Variants in PRP4K observed in about 807,000 individuals in gnomAD.
The protein encoded by PRP4K is pre-mRNA processing factor kinase PRP4K, also known as serine/threonine-protein kinase PRP4 homolog.
At chr6:4,038,954 T>C in the PRP4K span, among the ~76,000 whole-genome samples, 2 of 152,024 alleles carry the variant, frequency 1.3e-5, no homozygotes, top group Admixed American at 1.3e-4. Flanking sequence ...TTCTGTTTTT[T>C]CCAATTGGAC....
At chr6:4,053,234 G>A in the PRP4K span, among the ~76,000 whole-genome samples, 3 of 152,140 alleles carry the variant, frequency 2.0e-5, no homozygotes, top group East Asian at 1.9e-4. Flanking sequence ...TCTTCTGTTT[G>A]CTAATTTTAT....
chr6:4,027,822 C>T, the PRP4K span, among the ~76,000 whole-genome samples: 1 of 152,170 alleles, frequency 6.6e-6, no homozygotes, highest in Non-Finnish European at 1.5e-5. Context: ...CTTAACCACT[C>T]AGCTGTCCTT....
At chr6:4,035,064 C>T in the PRP4K span, among the ~76,000 whole-genome samples, 1 of 151,762 alleles carries the variant, frequency 6.6e-6, no homozygotes, top group Non-Finnish European at 1.5e-5. Context: ...TACTTTATCC[C>T]ATCCATTTAT....
the PRP4K span, chr6:4,037,615 T>A: frequency 2.5e-6 from 4 of 1,570,134 alleles, no homozygotes; most frequent in East Asian, 9.1e-5. Context: ...CTGAATGTTT[T>A]TGAACCACCA....
chr6:4,048,282 G>A, the PRP4K span, among the ~76,000 whole-genome samples: 3 of 151,696 alleles, frequency 2.0e-5, no homozygotes, highest in East Asian at 5.8e-4. Flanking sequence ...GGGAGGCTGA[G>A]GCAGGAGAAT....
At chr6:4,045,339 A>G in the PRP4K span, among the ~76,000 whole-genome samples, 2 of 152,166 alleles carry the variant, frequency 1.3e-5, no homozygotes, top group Admixed American at 1.3e-4. Flanking sequence ...CACAGTCTGT[A>G]TATAGTTTAC....
the PRP4K span, among the ~76,000 whole-genome samples, chr6:4,041,177 C>G: frequency 5.7e-3 from 872 of 152,228 alleles, 4 homozygotes; most frequent in Middle Eastern, 0.014. Context: ...TGAGCCTACC[C>G]TTTGTTTTTA....
At chr6:4,051,996 A>G in the PRP4K span, 6,251 of 1,596,008 alleles carry the variant, frequency 3.9e-3, 218 homozygotes, top group African/African-American at 0.073. Flanking sequence ...TCTTGAAAAA[A>G]CTTAATGATG....
the PRP4K span, among the ~76,000 whole-genome samples, chr6:4,045,923 G>GTA: frequency 6.6e-6 from 1 of 152,114 alleles, no homozygotes; most frequent in Non-Finnish European, 1.5e-5. Context: ...ATGTATGCAT[G>GTA]TATGTGTGTA....
At chr6:4,052,252 T>TTTGTTG in the PRP4K span, among the ~76,000 whole-genome samples, 105 of 151,758 alleles carry the variant, frequency 6.9e-4, no homozygotes, top group African/African-American at 1.7e-3. Context: ...ACAGCTAGTC[T>TTTGTTG]TTGTTGTTGT....
chr6:4,040,694 C>G, the PRP4K span: 2 of 1,391,548 alleles, frequency 1.4e-6, no homozygotes, highest in Non-Finnish European at 2.0e-6. Context: ...TTCTATATAT[C>G]CCCTGTGCCC....
At chr6:4,045,792 T>TTA in the PRP4K span, among the ~76,000 whole-genome samples, 1 of 152,238 alleles carries the variant, frequency 6.6e-6, no homozygotes, top group African/African-American at 2.4e-5. Context: ...CACAATTCTC[T>TTA]GTCTTTTAAA....
At chr6:4,021,764 G>A in the PRP4K span, among the ~76,000 whole-genome samples, 1 of 152,206 alleles carries the variant, frequency 6.6e-6, no homozygotes, top group African/African-American at 2.4e-5. Context: ...GCGGCAGTGA[G>A]GTCGCGCTTT....
chr6:4,051,106 C>T, the PRP4K span, among the ~76,000 whole-genome samples: 4 of 151,972 alleles, frequency 2.6e-5, no homozygotes, highest in African/African-American at 2.4e-5. Flanking sequence ...GACAGGGTTT[C>T]GCCATGTTGG....
the PRP4K span, among the ~76,000 whole-genome samples, chr6:4,024,762 C>T: frequency 3.3e-5 from 5 of 152,044 alleles, no homozygotes; most frequent in Non-Finnish European, 7.4e-5. Context: ...ACCACCATGC[C>T]GTGCTAATTT....
the PRP4K span, chr6:4,052,232 C>G: frequency 1.1e-6 from 1 of 899,772 alleles, no homozygotes; most frequent in Middle Eastern, 2.6e-4. Context: ...TTGTTTTTAA[C>G]TTGTGGTTAA....
chr6:4,036,946 A>G, the PRP4K span, among the ~76,000 whole-genome samples: 6 of 146,240 alleles, frequency 4.1e-5, no homozygotes, highest in African/African-American at 1.0e-4. Flanking sequence ...TGTTTGCGCC[A>G]CTGCACTCCA....
the PRP4K span, among the ~76,000 whole-genome samples, chr6:4,044,905 G>A: frequency 6.9e-5 from 10 of 144,382 alleles, no homozygotes; most frequent in South Asian, 2.2e-4. Flanking sequence ...CTCTGTCACC[G>A]AGGCTGGAGT....
At chr6:4,028,725 A>G in the PRP4K span, among the ~76,000 whole-genome samples, 3 of 152,206 alleles carry the variant, frequency 2.0e-5, no homozygotes, top group Non-Finnish European at 4.4e-5. Context: ...GCAATGTGAC[A>G]TCCAAAAATC....
Sources: allele counts gnomAD v4.1 joint callset (sites outside exome capture counted in the v4.1 genomes callset), GRCh38; gene constraint gnomAD v4.1.1; transcripts MANE v1.5; gene names NCBI Gene and HGNC (gene_info 2026-07-23, HGNC 2026-07-21).